Variants in SORCS1 observed in about 807,000 individuals in gnomAD.
SORCS1 encodes the protein sortilin related VPS10 domain containing receptor 1.
SORCS1 carries 60 observed loss-of-function variants against 146.1 expected under a neutral mutation model. That is an observed-to-expected ratio of 0.41 (90% CI 0.33 to 0.51). The LOEUF (loss-of-function observed/expected upper bound fraction) is 0.51. Ranked by LOEUF, SORCS1 falls within the 20% of genes least tolerant of loss-of-function variation. SORCS1 has a pLI of 0.21. For synonymous variants in SORCS1, 637 were observed against 584.0 expected (o/e 1.09, Z -1.31); for missense variants, 1,352 against 1,487.6 (o/e 0.91, Z 1.50).
intron 1 of SORCS1, among the ~76,000 whole-genome samples, chr10:107,116,182 G>A (rs1966026499): frequency 6.6e-6 from 1 of 152,036 alleles, no homozygotes; most frequent in Non-Finnish European, 1.5e-5. Flanking sequence ...AATTGGTATA[G>A]CCATTATGTA....
chr10:107,152,394 C>T (rs1848260972), intron 1 of SORCS1, among the ~76,000 whole-genome samples: 1 of 152,158 alleles, frequency 6.6e-6, no homozygotes, highest in South Asian at 2.1e-4. Flanking sequence ...AGAAGAGAAC[C>T]ACTATCCTCC....
intron 17 of SORCS1, among the ~76,000 whole-genome samples, chr10:106,660,730 A>G (rs1850659808): frequency 6.6e-6 from 1 of 151,666 alleles, no homozygotes; most frequent in African/African-American, 2.4e-5. Flanking sequence ...ATCTTGGGCA[A>G]TAGAGTGAGA....
chr10:106,794,142 G>C (rs578107218), intron 3 of SORCS1, among the ~76,000 whole-genome samples: 1 of 152,258 alleles, frequency 6.6e-6, no homozygotes, highest in South Asian at 2.1e-4. Context: ...AAAGAGCACT[G>C]TTTAACAGAT....
At chr10:106,839,226 G>T (rs928764317) in intron 2 of SORCS1, among the ~76,000 whole-genome samples, 1 of 152,198 alleles carries the variant, frequency 6.6e-6, no homozygotes, top group Non-Finnish European at 1.5e-5. Context: ...GGCCTCTTGT[G>T]TCAAACAGTC....
chr10:106,747,107 G>A (rs1208993775), intron 5 of SORCS1, among the ~76,000 whole-genome samples: 1 of 152,222 alleles, frequency 6.6e-6, no homozygotes, highest in Non-Finnish European at 1.5e-5. Flanking sequence ...CAGCACTCAT[G>A]TAAAACCCTT....
intron 21 of SORCS1, 27 bp from the exon 22 acceptor site, chr10:106,612,050 CTA>C (rs1224249592): frequency 1.9e-6 from 3 of 1,548,510 alleles, no homozygotes; most frequent in Non-Finnish European, 2.7e-6. Flanking sequence ...AGATGGAGTA[CTA>C]TAAGTCAAAT....
intron 2 of SORCS1, among the ~76,000 whole-genome samples, chr10:106,864,124 T>C (rs1950138237): frequency 2.0e-5 from 3 of 152,146 alleles, no homozygotes; most frequent in South Asian, 2.1e-4. Context: ...GTTGGCTCAC[T>C]AGAAACAGGT....
chr10:106,840,834 A>G (rs1948995366), intron 2 of SORCS1, among the ~76,000 whole-genome samples: 1 of 144,468 alleles, frequency 6.9e-6, no homozygotes, highest in Admixed American at 7.0e-5. Context: ...CACATTTTTT[A>G]GTTATATTAT....
intron 9 of SORCS1, among the ~76,000 whole-genome samples, chr10:106,698,693 C>T (rs1853894491): frequency 1.3e-5 from 2 of 152,208 alleles, no homozygotes; most frequent in East Asian, 1.9e-4. Context: ...AGGAGACAAG[C>T]ACCTGTTAAT....
intron 13 of SORCS1, among the ~76,000 whole-genome samples, chr10:106,675,459 C>T (rs766844999): frequency 7.2e-5 from 11 of 152,134 alleles, no homozygotes; most frequent in Non-Finnish European, 1.6e-4. Context: ...TCTTAGGCCT[C>T]AAGCTCTTGA....
At chr10:106,690,746 GT>G (rs1227625138) in intron 9 of SORCS1, among the ~76,000 whole-genome samples, 1 of 152,144 alleles carries the variant, frequency 6.6e-6, no homozygotes, top group Non-Finnish European at 1.5e-5. Context: ...TTAAGGTAGG[GT>G]TTTTTATTTT....
At chr10:107,075,786 T>A (rs1251756303) in intron 1 of SORCS1, among the ~76,000 whole-genome samples, 1 of 152,114 alleles carries the variant, frequency 6.6e-6, no homozygotes, top group Non-Finnish European at 1.5e-5. Context: ...CCATACAAAT[T>A]ACATGGTGGG....
At chr10:106,699,462 G>A (rs1053785987) in intron 8 of SORCS1, 69 bp from the exon 9 acceptor site, 2 of 1,418,598 alleles carry the variant, frequency 1.4e-6, no homozygotes, top group Admixed American at 4.8e-5. Context: ...GGCATCCAAA[G>A]AGTGTGGAAT....
intron 2 of SORCS1, among the ~76,000 whole-genome samples, chr10:106,886,274 A>T (rs1950998014): frequency 6.6e-6 from 1 of 152,084 alleles, no homozygotes; most frequent in African/African-American, 2.4e-5. Flanking sequence ...AAACAACAAC[A>T]ACAACAACAA....
intron 1 of SORCS1, among the ~76,000 whole-genome samples, chr10:107,032,995 C>T (rs1958731336): frequency 1.3e-5 from 2 of 152,120 alleles, no homozygotes; most frequent in South Asian, 4.1e-4. Context: ...TGTATTTAGT[C>T]TGTTCTCACA....
At chr10:106,623,072 T>C (rs1352475295) in intron 19 of SORCS1, among the ~76,000 whole-genome samples, 1 of 152,188 alleles carries the variant, frequency 6.6e-6, no homozygotes, top group Admixed American at 6.5e-5. Context: ...ACCTTTCTTA[T>C]GGCACCTGTC....
At chr10:106,744,166 G>A (rs899113252) in intron 5 of SORCS1, among the ~76,000 whole-genome samples, 3 of 152,056 alleles carry the variant, frequency 2.0e-5, no homozygotes, top group South Asian at 2.1e-4. Flanking sequence ...GTGCAGTGGC[G>A]CGATCTCAGC....
chr10:106,915,506 C>G (rs146270684), intron 2 of SORCS1, among the ~76,000 whole-genome samples: 2 of 152,224 alleles, frequency 1.3e-5, no homozygotes, highest in East Asian at 3.9e-4. Flanking sequence ...GCCAACCTCC[C>G]TCCTCCTCCT....
Position 107,060,551 on chromosome 10 carries a change from C to T in SORCS1, c.558+103418G>A, listed in dbSNP as rs978809011. Among the ~76,000 whole-genome samples, 1 of 152,178 alleles carries T rather than the reference C, an allele frequency of 6.6e-6. No homozygotes were observed. The highest frequency in any genetic ancestry group is 2.4e-5 in the African/African-American group (1 of 41,448). On this transcript the variant is annotated intron_variant, in intron 1 of 25. Transcript: ENST00000263054. The surrounding 1 kb of genome is among the most constrained non-coding windows in gnomAD (Gnocchi z 4.1). ...CATATTTCCCAACATCCTCTCAGGCCTCAAGGACCTTCCTTGGGATCAAAG... is the reference window on the plus strand; with the variant it reads ...CATATTTCCCAACATCCTCTCAGGCTTCAAGGACCTTCCTTGGGATCAAAG...
Sources: gnomAD v4.1 joint callset for allele counts (sites outside exome capture counted in the v4.1 genomes callset) on GRCh38, gnomAD v4.1.1 for gene constraint, Gnocchi (gnomAD v3.1) non-coding constraint, MANE v1.5 for transcripts, NCBI Gene and HGNC (gene_info 2026-07-23, HGNC 2026-07-21) for gene names.